Variants in SEMA4D observed in about 807,000 individuals in gnomAD.
The protein encoded by SEMA4D is semaphorin 4D.
In SEMA4D, 22 loss-of-function variants were observed where a neutral mutation model predicts 74.8. The ratio of observed to expected loss-of-function variants is 0.29; its 90% CI spans 0.21 to 0.42. The LOEUF (loss-of-function observed/expected upper bound fraction) is 0.42, where lower values mean the gene tolerates loss of function less well. Ranked by LOEUF, SEMA4D falls within the 10% of genes least tolerant of loss-of-function variation. The pLI is 1.00. For synonymous variants in SEMA4D, 445 were observed against 463.7 expected, an observed-to-expected ratio of 0.96 and a Z score of 0.52; for missense variants, 937 against 1,118.4, an observed-to-expected ratio of 0.84 and a Z score of 2.31.
exon 17 of SEMA4D, chr9:89,363,834 C>A: frequency 6.2e-7 from 1 of 1,614,182 alleles, no homozygotes; most frequent in Non-Finnish European, 8.5e-7. Context: ...CTGATGGCGT[C>A]CTGCAGCCAG....
chr9:89,397,066 C>CT, intron 5 of SEMA4D, among the ~76,000 whole-genome samples: 1 of 152,356 alleles, frequency 6.6e-6, no homozygotes, highest in Admixed American at 6.5e-5. Context: ...GGAAGGTTCA[C>CT]TGAGACCCCA....
At chr9:89,368,384 C>T (rs890218455) in intron 16 of SEMA4D, 12 of 153,014 alleles carry the variant, frequency 7.8e-5, no homozygotes, top group Admixed American at 4.6e-4. Flanking sequence ...TGCTCCCAGC[C>T]TCTTTTCCCG....
At position 89,492,211 on chromosome 9, in the gene SEMA4D, T is replaced by C. The variant is rs886627160; in HGVS notation, c.-310+5708A>G. On this transcript the variant is annotated intron_variant, in intron 1 of 15. Transcript: ENST00000422704. The surrounding 1 kb of genome is among the most constrained non-coding windows in gnomAD (Gnocchi z 4.3). The stretch of plus-strand genomic sequence containing the variant: ...CCAGACCACATGGATAAACCCCAGG[T>C]TGTCTTCGGTTCTCACCTTCGTGAC... Among the ~76,000 whole-genome samples the C allele has an allele frequency of 2.0e-5, 3 of 152,132 alleles. No individual in the cohort carries two copies. Among genetic ancestry groups the C allele is most frequent in the African/African-American group, 7.2e-5 (3 of 41,418 alleles).
rs547496615 is a variant in SEMA4D at position 89,366,587 on chromosome 9, A to G, written c.1883-2637T>C. On this transcript the variant is annotated intron_variant, in intron 16 of 18. Transcript: ENST00000339861. ...AAAATGTTTTGGACTCTGGCCACAG[A>G]TAATTCCATGTATCTATCTACAAAT... Among the ~76,000 whole-genome samples, 3 of 152,370 alleles carry G rather than the reference A, an allele frequency of 2.0e-5. No homozygotes were observed. In the South Asian group the frequency reaches 6.2e-4, roughly 32 times the overall value.
chr9:89,420,385 C>T (rs1485033580), intron 2 of SEMA4D, among the ~76,000 whole-genome samples: 1 of 152,196 alleles, frequency 6.6e-6, no homozygotes, highest in Non-Finnish European at 1.5e-5. Flanking sequence ...TCATATCTCC[C>T]AACTCCTGAC....
intron 1 of SEMA4D, among the ~76,000 whole-genome samples, chr9:89,461,029 G>A (rs1189630594): frequency 6.6e-6 from 1 of 152,018 alleles, no homozygotes; most frequent in Non-Finnish European, 1.5e-5. Context: ...GGCTCTGCTG[G>A]GCCCCTCAGC....
chr9:89,438,964 CTTTTTTTTTTTTT>C (rs57394947), intron 2 of SEMA4D, among the ~76,000 whole-genome samples: 3 of 38,214 alleles, frequency 7.9e-5, no homozygotes, highest in East Asian at 9.3e-4. Context: ...CGCACCGGGC[CTTTTTTTTTTTTT>C]TTTTTTTTTT....
chr9:89,422,597 C>T (rs1423862324), intron 2 of SEMA4D, among the ~76,000 whole-genome samples: 3 of 152,264 alleles, frequency 2.0e-5, no homozygotes, highest in Non-Finnish European at 2.9e-5. Flanking sequence ...CCGTTTATTA[C>T]GTGGTGCCCT....
chr9:89,494,848 T>C (rs1825886791), intron 1 of SEMA4D, among the ~76,000 whole-genome samples: 1 of 152,160 alleles, frequency 6.6e-6, no homozygotes, highest in South Asian at 2.1e-4. Flanking sequence ...CAACACTCAG[T>C]ATCTATTGCT....
chr9:89,425,021 CCT>C (rs1187068813), intron 2 of SEMA4D, among the ~76,000 whole-genome samples: 1 of 152,168 alleles, frequency 6.6e-6, no homozygotes, highest in Non-Finnish European at 1.5e-5. Context: ...TGCATTTTCC[CCT>C]CTTTCTGTGG....
At chr9:89,459,158 T>C (rs1442319724) in intron 1 of SEMA4D, among the ~76,000 whole-genome samples, 1 of 152,192 alleles carries the variant, frequency 6.6e-6, no homozygotes, top group African/African-American at 2.4e-5. Context: ...TGGTCAGTGG[T>C]TCTCATACTG....
chr9:89,466,853 C>G (rs1009054849), intron 1 of SEMA4D, among the ~76,000 whole-genome samples: 2 of 152,148 alleles, frequency 1.3e-5, no homozygotes, highest in South Asian at 4.1e-4. Flanking sequence ...ATTATCGGAG[C>G]CTCCTTCAAG....
intron 1 of SEMA4D, among the ~76,000 whole-genome samples, chr9:89,460,050 T>C (rs1856855493): frequency 6.6e-6 from 1 of 152,178 alleles, no homozygotes; most frequent in South Asian, 2.1e-4. Flanking sequence ...CCACCCAGGA[T>C]AAGGCCAGAC....
Position 89,484,062 on chromosome 9 carries a change from C to T in SEMA4D, c.-310+13857G>A, listed in dbSNP as rs377739059. 1.3e-3 allele frequency among the ~76,000 whole-genome samples: 196 copies of T among 152,386 alleles called. 1 individual carries two copies. The highest frequency in any genetic ancestry group is 4.5e-3 in the African/African-American group (189 of 41,596). On this transcript the variant is annotated intron_variant, in intron 1 of 15. Transcript: ENST00000422704. This position sits in a 1 kb window ranked among gnomAD's most constrained non-coding sequence, Gnocchi z 4.1. Reference sequence around the variant, plus strand: ...ACCCCACTAAGGAAGAGGGCGGGCCCCACTGAGGCTGCGCACAAGCTGGCA... The same window carrying T: ...ACCCCACTAAGGAAGAGGGCGGGCCTCACTGAGGCTGCGCACAAGCTGGCA...
Position 89,362,508 on chromosome 9 carries a change from C to T in SEMA4D, c.2191-80G>A, listed in dbSNP as rs573542567. 1.4e-5 allele frequency: 22 copies of T among 1,612,452 alleles called. No homozygotes were observed. The Admixed American group carries it at 2.7e-4, about 20-fold the overall frequency. On this transcript the variant is annotated intron_variant, in intron 18 of 18. Transcript: ENST00000339861. ...CTCTGCAGCCCAGTCTGTCTCATAG[C>T]CCATCCCAGGCAGAGCACTCAAGGC... is the stretch of plus-strand genomic sequence containing the variant.
At position 89,381,057 on chromosome 9, in the gene SEMA4D, G is replaced by C; in HGVS notation, c.1661C>G (p.Pro554Arg). 6.2e-7 allele frequency: 1 copy of C among 1,614,044 alleles called. No homozygotes were observed. Among genetic ancestry groups the C allele is most frequent in the Non-Finnish European group, 8.5e-7 (1 of 1,180,036 alleles). Residue 554 changes from proline (P) to arginine (R), a missense_variant and splice_region_variant, in exon 15 of 16, where the codon CCG becomes CGG. Pro to Arg is a moderately radical substitution (Grantham distance 103). Transcript: ENST00000422704. This position sits in a 1 kb window ranked among gnomAD's most constrained non-coding sequence, Gnocchi z 4.6. ...QEMSGDASVCPDKSKGSYRQH... is the reference protein window; with the variant it reads ...QEMSGDASVCRDKSKGSYRQH... ...TGGGACGTCGAGGAGTCACTCACCC[G>C]GGCACACAGAAGCATCGCCGCTCAT...
intron 1 of SEMA4D, among the ~76,000 whole-genome samples, chr9:89,477,410 A>C (rs1862047119): frequency 6.6e-6 from 1 of 152,172 alleles, no homozygotes; most frequent in African/African-American, 2.4e-5. Context: ...CCTGCTAATC[A>C]ATGCCTTGAC....
chr9:89,484,839 G>A lies in SEMA4D; in HGVS notation c.-310+13080C>T, dbSNP rs1430786180. Among the ~76,000 whole-genome samples, 3 of 150,496 alleles carry A rather than the reference G, an allele frequency of 2.0e-5. No individual in the cohort carries two copies. Among genetic ancestry groups the A allele is most frequent in the East Asian group, 2.0e-4 (1 of 5,120 alleles). On this transcript the variant is annotated intron_variant, in intron 1 of 15. Transcript: ENST00000422704. The surrounding 1 kb of genome is among the most constrained non-coding windows in gnomAD (Gnocchi z 4.1). ...GTGTGGTGTGTGGATGTATTGTGTGGTGTGTGTGTAATGTGTGTATACTGG... is the reference window on the plus strand; with the variant it reads ...GTGTGGTGTGTGGATGTATTGTGTGATGTGTGTGTAATGTGTGTATACTGG...
chr9:89,449,532 G>T, intron 2 of SEMA4D: 1 of 765,524 alleles, frequency 1.3e-6, no homozygotes, highest in South Asian at 1.4e-5. Context: ...CAGGGGAAAC[G>T]AGGCTGCAGT....
Sources: allele counts gnomAD v4.1 joint callset (sites outside exome capture counted in the v4.1 genomes callset), GRCh38; gene constraint gnomAD v4.1.1; non-coding constraint Gnocchi (gnomAD v3.1); transcripts MANE v1.5; gene names NCBI Gene and HGNC (gene_info 2026-07-23, HGNC 2026-07-21).